BRD2: variants seen among roughly 807,000 people sequenced by gnomAD.
The protein encoded by BRD2 is bromodomain containing 2, also known as bromodomain-containing protein 2.
In BRD2, 15 loss-of-function variants were observed where a neutral mutation model predicts 79.1. The observed-to-expected ratio is 0.19, with a 90% confidence interval of 0.13 to 0.29. The LOEUF (loss-of-function observed/expected upper bound fraction) is 0.29, where lower values mean the gene tolerates loss of function less well. Among genes scored for constraint, BRD2 ranks in the 10% least tolerant of loss-of-function variants. The pLI is 1.00. For synonymous variants in BRD2, 488 were observed against 358.6 expected (o/e 1.36, Z -4.08); for missense variants, 1,053 against 991.3 (o/e 1.06, Z -0.84).
rs762366473 is a variant in BRD2 at position 32,980,447 on chromosome 6, A to T, written c.2252A>T (p.Lys751Ile). 6.2e-7 allele frequency: 1 copy of T among 1,612,986 alleles called. No homozygotes were observed. ...GTCAGCGGACAGCTCAATTCTACTA[A>T]AAAGCCCCCCAAGAAAGGTGAGTAT... ...QDVSGQLNST[K>I]KPPKKANEKT... Residue 751 changes from lysine (K) to isoleucine (I), a missense_variant, in exon 12 of 13, where the codon AAA becomes ATA. By Grantham distance (102) the Lys-to-Ile change is moderately radical (BLOSUM62 -3). This residue lies in a region of BRD2 where 139 missense variants were observed against 133.2 expected (regional missense o/e 1.04). Coordinates refer to ENST00000374825, the MANE Select transcript of BRD2 (RefSeq NM_005104.4).
intron 9 of BRD2, 45 bp downstream of exon 9, chr6:32,978,050 G>A (rs1397401908): frequency 1.2e-6 from 2 of 1,600,598 alleles, no homozygotes; most frequent in Non-Finnish European, 1.7e-6. Context: ...AGAGGTTCAT[G>A]CCCTTTGTCC....
chr6:32,980,788 C>T lies in BRD2; in HGVS notation c.*70C>T. The stretch of plus-strand genomic sequence containing the variant: ...CCTAGACCACCCTGCCCCACCTGCC[C>T]CTTCCCCCTTTGCTGTGACACTTCT... On this transcript the variant is annotated 3_prime_UTR_variant, in exon 13 of 13. Transcript: ENST00000374825. 1.9e-6 allele frequency: 3 copies of T among 1,567,470 alleles called. No homozygotes were observed. The highest frequency in any genetic ancestry group is 1.1e-5 in the South Asian group (1 of 89,696).
In BRD2 at chr6:32,975,473, T is replaced by C. The variant is rs2127512881; in HGVS notation, c.423T>C (p.Cys141=). 2 of 1,612,814 alleles carry C rather than the reference T, an allele frequency of 1.2e-6. No homozygotes were observed. The highest frequency in any genetic ancestry group is 4.5e-5 in the East Asian group (2 of 44,874). ...ATTATTATTGGGCTGCTTCAGAGTG[T>C]ATGCAAGATTTTAATACCATGTTCA... is the stretch of plus-strand genomic sequence containing the variant. ...ENNYYWAASE[C]MQDFNTMFTN... Residue 141 remains cysteine, a synonymous_variant, in exon 4 of 13, where the codon TGT becomes TGC. Transcript: ENST00000374825.
rs1205793926 is a variant in BRD2 at position 32,980,824 on chromosome 6, C to A, written c.*106C>A. On this transcript the variant is annotated 3_prime_UTR_variant, in exon 13 of 13. Transcript: ENST00000374825. Reference sequence around the variant, plus strand: ...TGCTGTGACACTTCTTCATCTCACCCCCCCCCGCCCCCCTCTAGGAGAGCT... The same window carrying A: ...TGCTGTGACACTTCTTCATCTCACCACCCCCCGCCCCCCTCTAGGAGAGCT... 3.4e-5 allele frequency: 45 copies of A among 1,339,246 alleles called. 2 individuals carry two copies. The South Asian group carries it at 5.1e-4, about 15-fold the overall frequency. 83.0% of individuals were successfully genotyped at this position (1,339,246 alleles called of 1,614,324 possible). A position where few individuals can be genotyped will look rare whatever the true frequency, so the allele number is the denominator to read the frequency against.
In BRD2 at chr6:32,976,718, C is replaced by T. The variant is rs745941480; in HGVS notation, c.982C>T (p.Arg328Cys). The T allele has an allele frequency of 1.3e-5, 21 of 1,612,990 alleles. No homozygotes were observed. In the South Asian group the frequency reaches 1.4e-4, roughly 11 times the overall value. The change falls in exon 7 of 13, where the codon CGC becomes TGC. Residue 328 changes from arginine to cysteine, a missense_variant. By Grantham distance (180) the Arg-to-Cys change is radical. Coordinates refer to ENST00000374825, the MANE Select transcript of BRD2 (RefSeq NM_005104.4). ...GAGTGGTCGCCCCATCAAGCCCCCA[C>T]GCAAAGACTTGCCTGACTCTCAGCA... ...RESGRPIKPP[R>C]KDLPDSQQQH...
Position 32,971,980 on chromosome 6 carries a change from C to G in BRD2, c.-919C>G, listed in dbSNP as rs1026489445. On this transcript the variant is annotated 5_prime_UTR_variant, in exon 2 of 13. Transcript: ENST00000374825. ...CACTCTTCTGCCTGGTGACTGACAC[C>G]TTGGAAATGAAGTTTATGACGTCAT... 1.4e-6 allele frequency: 1 copy of G among 702,716 alleles called. No homozygotes were observed. Among genetic ancestry groups the G allele is most frequent in the African/African-American group, 1.7e-5 (1 of 57,204 alleles). 43.5% of individuals were successfully genotyped at this position (702,716 alleles called of 1,614,324 possible).
intron 5 of BRD2, 30 bp from the exon 6 acceptor site, chr6:32,976,220 A>T: frequency 1.2e-6 from 2 of 1,611,238 alleles, no homozygotes; most frequent in Non-Finnish European, 1.7e-6. Context: ...GGGGAAGAGA[A>T]TCAAACTACA....
chr6:32,969,369 C>G, intron 1 of BRD2: 1 of 716,782 alleles, frequency 1.4e-6, no homozygotes, highest in South Asian at 1.5e-5. Flanking sequence ...AGGGATCCAT[C>G]GGCGGCCGAG....
Position 32,980,655 on chromosome 6 carries a change from A to T in BRD2, c.2343A>T (p.Ser781=). Residue 781 remains serine (S), a synonymous_variant, in exon 13 of 13, where the codon TCA becomes TCT. Coordinates refer to ENST00000374825, the MANE Select transcript of BRD2 (RefSeq NM_005104.4). ...VSRLSASSSS[S]DSSSSSSSSS... ...GCCTTAGCGCTTCCAGCTCCAGCTC[A>T]GATTCCAGCTCCTCCTCTTCCTCGT... The T allele has an allele frequency of 6.2e-7, 1 of 1,613,162 alleles. No individual in the cohort carries two copies. Among genetic ancestry groups the T allele is most frequent in the Non-Finnish European group, 8.5e-7 (1 of 1,180,040 alleles).
intron 2 of BRD2, chr6:32,973,165 C>G: frequency 6.5e-7 from 1 of 1,542,940 alleles, no homozygotes; most frequent in Non-Finnish European, 8.8e-7. Context: ...CCGCCGTGGC[C>G]CAGTCTTAAC....
chr6:32,980,624 T>G lies in BRD2; in HGVS notation c.2312T>G (p.Val771Gly), dbSNP rs1205225284. 1 of 1,613,160 alleles carries G rather than the reference T, an allele frequency of 6.2e-7. No individual in the cohort carries two copies. The highest frequency in any genetic ancestry group is 8.5e-7 in the Non-Finnish European group (1 of 1,180,042). Residue 771 changes from valine (V) to glycine (G), a missense_variant, in exon 13 of 13, where the codon GTG becomes GGG. Coordinates refer to ENST00000374825, the MANE Select transcript of BRD2 (RefSeq NM_005104.4). ...TCATCCTCTGCACAGCAAGTAGCAGTGTCACGCCTTAGCGCTTCCAGCTCC... is the reference window on the plus strand; with the variant it reads ...TCATCCTCTGCACAGCAAGTAGCAGGGTCACGCCTTAGCGCTTCCAGCTCC... The part of the protein sequence containing the change: ...TESSSAQQVA[V>G]SRLSASSSSS...
rs576064051 is a variant in BRD2, at chr6:32,972,485, T to G, written c.-414T>G. Reference sequence around the variant, plus strand: ...GAGGCGGCGGCTCCCTAAACCACTTTTCGTGTTCATCCGCCTCCATCCGAG... The same window carrying G: ...GAGGCGGCGGCTCCCTAAACCACTTGTCGTGTTCATCCGCCTCCATCCGAG... On this transcript the variant is annotated 5_prime_UTR_variant, in exon 2 of 13. Coordinates refer to ENST00000374825, the MANE Select transcript of BRD2 (RefSeq NM_005104.4). 2 of 300,444 alleles carry G rather than the reference T, an allele frequency of 6.7e-6. No individual in the cohort carries two copies. Among genetic ancestry groups the G allele is most frequent in the Non-Finnish European group, 1.3e-5 (2 of 157,492 alleles). The allele number at this position is 300,444 out of a possible 1,614,324, so 18.6% of individuals were successfully genotyped here. A position where few individuals can be genotyped will look rare whatever the true frequency, so the allele number is the denominator to read the frequency against.
In BRD2 at chr6:32,974,813, C is replaced by T. The variant is rs370003660; in HGVS notation, c.333+48C>T. The T allele has an allele frequency of 1.2e-5, 19 of 1,585,414 alleles. No homozygotes were observed. Among genetic ancestry groups the T allele is most frequent in the Non-Finnish European group, 1.5e-5 (18 of 1,163,588 alleles). On this transcript the variant is annotated intron_variant, in intron 3 of 12. Coordinates refer to ENST00000374825, the MANE Select transcript of BRD2 (RefSeq NM_005104.4). ...GGGAGGTGTGGGATGAGCAAGAATG[C>T]GTGTGAATGGGGGTGGTCTGCCTAG... is the stretch of plus-strand genomic sequence containing the variant.
At chr6:32,973,164 C>A in intron 2 of BRD2, 1 of 1,543,850 alleles carries the variant, frequency 6.5e-7, no homozygotes, top group Non-Finnish European at 8.8e-7. Context: ...GCCGCCGTGG[C>A]CCAGTCTTAA....
chr6:32,980,924 GC>G lies in BRD2; in HGVS notation c.*210del, dbSNP rs1779467084. On this transcript the variant is annotated 3_prime_UTR_variant, in exon 13 of 13. Transcript: ENST00000374825. ...TGGACAAAACAACATTGAATTCCCA[GC>G]CCCATTGGGGAGTGATCTCTTGGAC... is the stretch of plus-strand genomic sequence containing the variant. 6 of 624,804 alleles carry G rather than the reference GC, an allele frequency of 9.6e-6. No homozygotes were observed. The South Asian group carries it at 1.2e-4, about 12-fold the overall frequency. 38.7% of individuals were successfully genotyped at this position (624,804 alleles called of 1,614,324 possible).
rs891900107 is a variant in BRD2, at chr6:32,972,378, G to C, written c.-521G>C. 3.3e-6 allele frequency: 1 copy of C among 301,734 alleles called. No homozygotes were observed. The highest frequency in any genetic ancestry group is 3.2e-5 in the South Asian group (1 of 31,554). The allele number at this position is 301,734 out of a possible 1,614,324, so 18.7% of individuals were successfully genotyped here. On this transcript the variant is annotated 5_prime_UTR_variant, in exon 2 of 13. Transcript: ENST00000374825. ...AGTACAGACCCCCTAGAAGCCCCTG[G>C]AGCTCCCCTTTTTCGGGCCCCGCCC...
Position 32,981,271 on chromosome 6 carries a change from T to C in BRD2, c.*553T>C, listed in dbSNP as rs1383153218. On this transcript the variant is annotated 3_prime_UTR_variant, in exon 13 of 13. Coordinates refer to ENST00000374825, the MANE Select transcript of BRD2 (RefSeq NM_005104.4). ...CCCCATTTGGTCCCCTGGACTGTCT[T>C]TGTTGATTCTAACTTGTAAATAAAG... is the stretch of plus-strand genomic sequence containing the variant. The C allele has an allele frequency of 6.6e-6, 1 of 152,566 alleles. No homozygotes were observed. Among genetic ancestry groups the C allele is most frequent in the Non-Finnish European group, 1.5e-5 (1 of 68,278 alleles). 9.5% of individuals were successfully genotyped at this position (152,566 alleles called of 1,614,324 possible). A position where few individuals can be genotyped will look rare whatever the true frequency, so the allele number is the denominator to read the frequency against.
intron 3 of BRD2, 140 bp downstream of exon 3, chr6:32,974,905 T>A: frequency 7.2e-7 from 1 of 1,381,282 alleles, no homozygotes; most frequent in Non-Finnish European, 9.8e-7. Flanking sequence ...ACCAGATTTC[T>A]GGGTATCTTG....
At chr6:32,975,288 G>A in intron 3 of BRD2, 96 bp from the exon 4 acceptor site, 1 of 1,004,018 alleles carries the variant, frequency 1.0e-6, no homozygotes. Flanking sequence ...TAGGGGGGGT[G>A]TGTGTGTGTG....
Sources: allele counts gnomAD v4.1 joint callset, GRCh38; gene constraint gnomAD v4.1.1; regional missense constraint gnomAD v4.1.1; transcripts MANE v1.5; gene names NCBI Gene and HGNC (gene_info 2026-07-23, HGNC 2026-07-21).